IFT172: variants seen among roughly 807,000 people sequenced by gnomAD.
IFT172 encodes the protein intraflagellar transport protein 172 homolog.
Under a neutral mutation model 248.9 loss-of-function variants are expected in IFT172, and 164 were observed. The observed-to-expected ratio is 0.66, with a 90% CI of 0.58 to 0.75. The LOEUF is 0.75. Among genes scored for constraint, IFT172 ranks in the 30% least tolerant of loss-of-function variants. The pLI, the probability that IFT172 is intolerant of heterozygous loss-of-function variation, is 0.00. For synonymous variants in IFT172, 729 were observed against 791.6 expected (o/e 0.92, Z 1.33); for missense variants, 1,950 against 2,192.4 (o/e 0.89, Z 2.21).
At position 27,454,767 on chromosome 2, in the gene IFT172, A is replaced by G. The variant is rs1379403410; in HGVS notation, c.3372-107T>C. ...GAGTTGAGGGGAGAAAAAGTGACAG[A>G]TTTAAGGATAACAAATATGAAGTGA... On this transcript the variant is annotated intron_variant, in intron 30 of 47. Coordinates refer to ENST00000260570, the MANE Select transcript of IFT172 (RefSeq NM_015662.3). The surrounding 1 kb of genome is among the most constrained non-coding windows in gnomAD (Gnocchi z 4.2). 5.5e-6 allele frequency: 5 copies of G among 911,986 alleles called. No homozygotes were observed. Among genetic ancestry groups the G allele is most frequent in the Non-Finnish European group, 8.6e-6 (5 of 578,728 alleles). The allele number at this position is 911,986 out of a possible 1,614,324, so 56.5% of individuals were successfully genotyped here. A position where few individuals can be genotyped will look rare whatever the true frequency, so the allele number is the denominator to read the frequency against.
At chr2:27,449,901 C>G (rs1276510025) in intron 36 of IFT172, 97 bp downstream of exon 36, 3 of 1,392,254 alleles carry the variant, frequency 2.2e-6, no homozygotes, top group Non-Finnish European at 3.0e-6. Flanking sequence ...CCATGCCCAC[C>G]AGGAGGCCCA....
In IFT172 at chr2:27,445,054, G is replaced by A. The variant is rs1220735933; in HGVS notation, c.5120C>T (p.Ala1707Val). Residue 1707 changes from alanine (A) to valine (V), a missense_variant, in exon 47 of 48, where the codon GCT becomes GTT. Coordinates refer to ENST00000260570, the MANE Select transcript of IFT172 (RefSeq NM_015662.3). The surrounding 1 kb of genome is among the most constrained non-coding windows in gnomAD (Gnocchi z 4.4). ...GAATTTATTCCAGTTGTCCTTGTTA[G>A]CAGCCTTCCCTGGCCGCTTAAATTC... Reference protein sequence around the residue: ...KIEFKRPGKAANKDNWNKFLM... With the variant: ...KIEFKRPGKAVNKDNWNKFLM... 2 of 1,613,890 alleles carry A rather than the reference G, an allele frequency of 1.2e-6. No homozygotes were observed. The highest frequency in any genetic ancestry group is 2.7e-5 in the African/African-American group (2 of 74,866).
At position 27,446,319 on chromosome 2, in the gene IFT172, G is replaced by C. The variant is rs1307442302; in HGVS notation, c.4696C>G (p.Arg1566Gly). 1 of 1,614,218 alleles carries C rather than the reference G, an allele frequency of 6.2e-7. No homozygotes were observed. The highest frequency in any genetic ancestry group is 1.1e-5 in the South Asian group (1 of 91,082). The change falls in exon 43 of 48, where the codon CGT (arginine) becomes GGT (glycine). Residue 1566 changes from arginine to glycine, a missense_variant. Physicochemically the swap from Arg to Gly is moderately radical, Grantham distance 125 (BLOSUM62 -2). Coordinates refer to ENST00000260570, the MANE Select transcript of IFT172 (RefSeq NM_015662.3). ...VAARLSVSLL[R>G]HTQLLPVDKA... ...TCTACAGGTAGTAGCTGGGTGTGAC[G>C]CAAGAGTGAAACAGAAAGCCTGGCA...
chr2:27,473,902 G>T (rs1667777215), intron 14 of IFT172, among the ~76,000 whole-genome samples: 1 of 151,386 alleles, frequency 6.6e-6, no homozygotes, highest in Non-Finnish European at 1.5e-5. Flanking sequence ...CCACCTCCTG[G>T]ATTCAGGCGA....
intron 30 of IFT172, chr2:27,455,913 C>CA (rs900482978): frequency 1.9e-3 from 574 of 309,082 alleles, no homozygotes; most frequent in Middle Eastern, 5.1e-3. Flanking sequence ...CTGGTGCTTC[C>CA]AAAAAAAAAG....
chr2:27,457,805 G>C, intron 28 of IFT172, 36 bp downstream of exon 28: 4 of 1,614,128 alleles, frequency 2.5e-6, no homozygotes, highest in Non-Finnish European at 3.4e-6. Context: ...GAGCCTGGTT[G>C]GGGAAGAGAT....
intron 9 of IFT172, 73 bp downstream of exon 9, chr2:27,479,953 T>C: frequency 1.9e-6 from 3 of 1,547,932 alleles, no homozygotes; most frequent in Non-Finnish European, 2.6e-6. Flanking sequence ...GGAACAGTGC[T>C]TTAGGATAAG....
In IFT172 at chr2:27,470,985, A is replaced by G. The variant is rs1322036133; in HGVS notation, c.1635T>C (p.Ser545=). The G allele has an allele frequency of 1.1e-5, 18 of 1,613,874 alleles. No homozygotes were observed. The highest frequency in any genetic ancestry group is 1.5e-5 in the Non-Finnish European group (18 of 1,179,954). Reference sequence around the variant, plus strand: ...CCTCAATGTTGTACCATACACACAGACTGTTTCGGTTCTGAGCTACCAGCA... The same window carrying G: ...CCTCAATGTTGTACCATACACACAGGCTGTTTCGGTTCTGAGCTACCAGCA... ...SDVLVAQNRN[S]LCVWYNIEAP... The change falls in exon 16 of 48, where the codon AGT becomes AGC. Residue 545 remains serine, a synonymous_variant. Coordinates refer to ENST00000260570, the MANE Select transcript of IFT172 (RefSeq NM_015662.3).
In IFT172 at chr2:27,471,057, C is replaced by A; in HGVS notation, c.1563G>T (p.Met521Ile). 1 of 1,612,108 alleles carries A rather than the reference C, an allele frequency of 6.2e-7. No individual in the cohort carries two copies. The highest frequency in any genetic ancestry group is 8.5e-7 in the Non-Finnish European group (1 of 1,179,534). ...GCATATAGGAGCAGAAGTTGAGGATCATTGTCTTAGAGCAGCTTTCAATAT... is the reference window on the plus strand; with the variant it reads ...GCATATAGGAGCAGAAGTTGAGGATAATTGTCTTAGAGCAGCTTTCAATAT... Reference protein sequence around the residue: ...LYDIESCSKTMILNFCSYMQW... With the variant: ...LYDIESCSKTIILNFCSYMQW... Residue 521 changes from methionine to isoleucine, a missense_variant, in exon 16 of 48, where the codon ATG becomes ATT. This residue lies in a region of IFT172 where 1,166 missense variants were observed against 1,254.1 expected (regional missense o/e 0.93). Coordinates refer to ENST00000260570, the MANE Select transcript of IFT172 (RefSeq NM_015662.3).
Position 27,473,332 on chromosome 2 carries a change from T to C in IFT172, c.1412-970A>G, listed in dbSNP as rs111893110. Among the ~76,000 whole-genome samples, 520 of 144,428 alleles carry C rather than the reference T, an allele frequency of 3.6e-3. 6 individuals are homozygous for C. The highest frequency in any genetic ancestry group is 0.013 in the African/African-American group (491 of 38,684). 94.8% of individuals were successfully genotyped at this position (144,428 alleles called of 152,430 possible). A position where few individuals can be genotyped will look rare whatever the true frequency, so the allele number is the denominator to read the frequency against. ...TTGCAGTGAGCTGAGATCGCGCCAC[T>C]TCACTCCAGCCTGGATGACAGAGCA... On this transcript the variant is annotated intron_variant, in intron 14 of 47. Transcript: ENST00000260570.
chr2:27,448,117 G>T (rs1665328540), intron 40 of IFT172, among the ~76,000 whole-genome samples, 195 bp from the exon 41 acceptor site: 1 of 151,870 alleles, frequency 6.6e-6, no homozygotes, highest in Non-Finnish European at 1.5e-5. Flanking sequence ...ATTTATTTTT[G>T]AGACAGAGTC....
At chr2:27,480,989 A>G (rs367622501) in intron 8 of IFT172, 57 bp downstream of exon 8, 3 of 1,402,312 alleles carry the variant, frequency 2.1e-6, no homozygotes, top group Non-Finnish European at 1.0e-6. Flanking sequence ...ATTTGGCTAA[A>G]GCAGAGAGTG....
chr2:27,469,602 C>T (rs1234139729), intron 16 of IFT172, among the ~76,000 whole-genome samples: 7 of 152,112 alleles, frequency 4.6e-5, no homozygotes, highest in Admixed American at 1.3e-4. Context: ...GAGGCCAAGG[C>T]GGGTGGATCA....
At chr2:27,461,171 C>A in intron 22 of IFT172, 78 bp from the exon 23 acceptor site, 1 of 1,613,174 alleles carries the variant, frequency 6.2e-7, no homozygotes, top group African/African-American at 1.3e-5. Flanking sequence ...CAAGGGAACA[C>A]CAGCAGTCAG....
chr2:27,484,058 G>A lies in IFT172; in HGVS notation c.337-121C>T. The A allele has an allele frequency of 1.0e-5, 13 of 1,269,188 alleles. No individual in the cohort carries two copies. The South Asian group carries it at 1.3e-4, about 13-fold the overall frequency. 78.6% of individuals were successfully genotyped at this position (1,269,188 alleles called of 1,614,324 possible). Reference sequence around the variant, plus strand: ...TCTCCTATAGGGAAGGACACAGCAGGGCTCTAAGGAAGACAGCAGATGACC... The same window carrying A: ...TCTCCTATAGGGAAGGACACAGCAGAGCTCTAAGGAAGACAGCAGATGACC... On this transcript the variant is annotated intron_variant, in intron 4 of 47. Coordinates refer to ENST00000260570, the MANE Select transcript of IFT172 (RefSeq NM_015662.3).
intron 40 of IFT172, among the ~76,000 whole-genome samples, chr2:27,448,521 T>C (rs1173305818): frequency 2.6e-5 from 4 of 152,226 alleles, no homozygotes; most frequent in Non-Finnish European, 5.9e-5. Context: ...TGTGTGAGTG[T>C]GGGCAACTGT....
At chr2:27,479,443 G>A (rs1479092238) in intron 10 of IFT172, 66 bp downstream of exon 10, 2 of 899,500 alleles carry the variant, frequency 2.2e-6, no homozygotes. Flanking sequence ...CCAGAAGGCA[G>A]GGAAATGTTA....
chr2:27,485,471 C>A lies in IFT172; in HGVS notation c.72G>T (p.Trp24Cys). 6.2e-7 allele frequency: 1 copy of A among 1,614,076 alleles called. No homozygotes were observed. The highest frequency in any genetic ancestry group is 8.5e-7 in the Non-Finnish European group (1 of 1,179,932). ...DGAAKVTCMA[W>C]SQNNAKFAVC... is the part of the protein sequence containing the mutation. ...CAGCAAATTTGGCATTGTTCTGGGA[C>A]CAAGCCATGCAGGTCACCTTTGCAG... is the stretch of plus-strand genomic sequence containing the variant. The change falls in exon 2 of 48, where the codon TGG (tryptophan) becomes TGT (cysteine). Residue 24 changes from tryptophan to cysteine, a missense_variant. Physicochemically the swap from Trp to Cys is radical, Grantham distance 215. Around this residue, in one of 3 missense-constraint regions of IFT172, gnomAD observed 1,166 missense variants for 1,254.1 expected, o/e 0.93. Transcript: ENST00000260570.
In IFT172 at chr2:27,448,987, G is replaced by C. The variant is rs370497725; in HGVS notation, c.4356C>G (p.His1452Gln). Residue 1452 changes from histidine to glutamine, a missense_variant, in exon 40 of 48, where the codon CAC becomes CAG. This residue lies in a region of IFT172 where 620 missense variants were observed against 699.0 expected (regional missense o/e 0.89). Transcript: ENST00000260570. ...GGGCAGAGCTACCCTCCCGGATCAA[G>C]TGAGTTGCATACAAAGCCACATACT... Reference protein sequence around the residue: ...LHKYVALYATHLIREGSSAQA... With the variant: ...LHKYVALYATQLIREGSSAQA... 6.2e-7 allele frequency: 1 copy of C among 1,611,942 alleles called. No individual in the cohort carries two copies. Among genetic ancestry groups the C allele is most frequent in the African/African-American group, 1.3e-5 (1 of 74,898 alleles).
Sources: allele counts gnomAD v4.1 joint callset (sites outside exome capture counted in the v4.1 genomes callset), GRCh38; gene constraint gnomAD v4.1.1; regional missense constraint gnomAD v4.1.1; non-coding constraint Gnocchi (gnomAD v3.1); transcripts MANE v1.5; gene names NCBI Gene and HGNC (gene_info 2026-07-23, HGNC 2026-07-21).